The following DPP6 variants were observed in gnomAD, a reference collection of about 807,000 sequenced individuals.
DPP6 encodes dipeptidyl peptidase like 6.
DPP6 carries 69 observed loss-of-function variants against 122.6 expected under a neutral mutation model. The ratio of observed to expected loss-of-function variants is 0.56; its 90% CI spans 0.46 to 0.69. DPP6 has a LOEUF of 0.69. Among genes scored for constraint, DPP6 ranks in the 30% least tolerant of loss-of-function variants. DPP6 has a pLI of 0.00. For missense variants in DPP6, 928 were observed against 1,116.9 expected, an observed-to-expected ratio of 0.83 and a Z score of 2.41; for synonymous variants, 418 against 433.1, an observed-to-expected ratio of 0.97 and a Z score of 0.43.
chr7:154,495,025 A>G (rs1824607508), intron 3 of DPP6, among the ~76,000 whole-genome samples: 1 of 152,240 alleles, frequency 6.6e-6, no homozygotes, highest in Admixed American at 6.5e-5. Flanking sequence ...GAACCAAAGT[A>G]ACATTTGCAC....
intron 1 of DPP6, among the ~76,000 whole-genome samples, chr7:154,267,268 CA>C (rs1174535372): frequency 6.7e-6 from 1 of 149,464 alleles, no homozygotes; most frequent in African/African-American, 2.4e-5. Flanking sequence ...AAATATTCAA[CA>C]TTTTTTCATT....
At position 154,618,907 on chromosome 7, in the gene DPP6, A is replaced by G. The variant is rs1054960799; in HGVS notation, c.628-18914A>G. Among the ~76,000 whole-genome samples, 1 of 152,184 alleles carries G rather than the reference A, an allele frequency of 6.6e-6. No individual in the cohort carries two copies. Among genetic ancestry groups the G allele is most frequent in the Non-Finnish European group, 1.5e-5 (1 of 68,038 alleles). On this transcript the variant is annotated intron_variant, in intron 5 of 25. Coordinates refer to ENST00000377770, the MANE Select transcript of DPP6 (RefSeq NM_130797.4). The surrounding 1 kb of genome is among the most constrained non-coding windows in gnomAD (Gnocchi z 4.1). ...CTCATCTTGAATTGTAGCTCCCATT[A>G]TCCCTACATGTTGTAGGAGGGACCT...
chr7:154,807,097 C>T lies in DPP6; in HGVS notation c.1651C>T (p.Leu551=), dbSNP rs1314410793. The change falls in exon 16 of 26, where the codon CTG becomes TTG. Residue 551 remains leucine, a synonymous_variant. Transcript: ENST00000377770. Reference sequence around the variant, plus strand: ...CTTCAGCCATAGCATGGACTTCTTCCTGCTCAAGTGCGAAGGTCAGCTCCT... The same window carrying T: ...CTTCAGCCATAGCATGGACTTCTTCTTGCTCAAGTGCGAAGGTCAGCTCCT... ...ASFSHSMDFF[L]LKCEGPGVPM... The T allele has an allele frequency of 1.9e-6, 3 of 1,613,440 alleles. No homozygotes were observed. The East Asian group carries it at 6.7e-5, about 36-fold the overall frequency.
At chr7:154,369,043 G>A (rs575974809) in intron 1 of DPP6, among the ~76,000 whole-genome samples, 2 of 152,098 alleles carry the variant, frequency 1.3e-5, no homozygotes, top group African/African-American at 2.4e-5. Flanking sequence ...AATCCCATAG[G>A]CATTTAGGCC....
upstream of DPP6, among the ~76,000 whole-genome samples, chr7:154,051,874 C>G (rs1317107518): frequency 2.0e-5 from 3 of 151,106 alleles, no homozygotes; most frequent in Non-Finnish European, 4.4e-5. Flanking sequence ...TCACCAGCGT[C>G]GTCCGACCAC....
At chr7:154,078,816 A>C (rs1167560664) in intron 1 of DPP6, among the ~76,000 whole-genome samples, 1 of 152,102 alleles carries the variant, frequency 6.6e-6, no homozygotes, top group Non-Finnish European at 1.5e-5. Context: ...TGGAGAAACA[A>C]ATTCATCCAA....
At chr7:154,181,454 A>G (rs1023795164) in intron 1 of DPP6, among the ~76,000 whole-genome samples, 18 of 152,124 alleles carry the variant, frequency 1.2e-4, no homozygotes, top group Non-Finnish European at 2.4e-4. Flanking sequence ...ACCCTCTCCA[A>G]TGTGAATGCC....
At chr7:153,760,272 T>A in the DPP6 span, among the ~76,000 whole-genome samples, 1 of 152,340 alleles carries the variant, frequency 6.6e-6, no homozygotes, top group East Asian at 1.9e-4. Context: ...TTTTTAATGT[T>A]GTCCATGTCT....
chr7:154,352,472 A>T (rs911165413), intron 1 of DPP6, among the ~76,000 whole-genome samples: 1 of 152,146 alleles, frequency 6.6e-6, no homozygotes, highest in Non-Finnish European at 1.5e-5. Flanking sequence ...CAAAAAAAAT[A>T]AAAATTAAAA....
At chr7:154,180,387 A>C (rs987191450) in intron 1 of DPP6, among the ~76,000 whole-genome samples, 4 of 145,948 alleles carry the variant, frequency 2.7e-5, no homozygotes, top group Non-Finnish European at 6.0e-5. Context: ...ATATATATAA[A>C]TATATATATA....
intron 6 of DPP6, among the ~76,000 whole-genome samples, chr7:154,648,735 T>C (rs1314331654): frequency 2.0e-5 from 3 of 152,010 alleles, no homozygotes; most frequent in Non-Finnish European, 2.9e-5. Flanking sequence ...CTGGCCAACA[T>C]GGTGAAACCC....
At chr7:154,514,318 A>G (rs995784652) in intron 3 of DPP6, among the ~76,000 whole-genome samples, 3 of 152,118 alleles carry the variant, frequency 2.0e-5, no homozygotes, top group Non-Finnish European at 4.4e-5. Flanking sequence ...GCTAGACGCT[A>G]ATTCAGACCC....
chr7:154,381,075 G>T (rs568023527), intron 1 of DPP6, among the ~76,000 whole-genome samples: 14 of 152,216 alleles, frequency 9.2e-5, no homozygotes, highest in African/African-American at 3.1e-4. Flanking sequence ...GCCATGAGGG[G>T]GATCCTGGTG....
At chr7:154,347,689 A>G (rs1810513108) in intron 1 of DPP6, among the ~76,000 whole-genome samples, 1 of 152,234 alleles carries the variant, frequency 6.6e-6, no homozygotes, top group Admixed American at 6.5e-5. Flanking sequence ...TGAGGGCAGC[A>G]TTAGAAGAAT....
At chr7:154,269,511 G>A (rs570185355) in intron 1 of DPP6, among the ~76,000 whole-genome samples, 1 of 152,230 alleles carries the variant, frequency 6.6e-6, no homozygotes, top group South Asian at 2.1e-4. Context: ...AGTAGGTTTA[G>A]CCACACAGAG....
intron 16 of DPP6, among the ~76,000 whole-genome samples, chr7:154,836,831 C>G (rs1584848880): frequency 6.6e-6 from 1 of 152,286 alleles, no homozygotes; most frequent in African/African-American, 2.4e-5. Flanking sequence ...CTCAGCCTCC[C>G]AAGTAGCTGG....
intron 1 of DPP6, among the ~76,000 whole-genome samples, chr7:153,935,250 G>T (rs2215192): frequency 0.57 from 85,772 of 151,544 alleles, 24,715 homozygotes; most frequent in African/African-American, 0.67. Flanking sequence ...CCAGAGAAGG[G>T]GGGGGACGTG....
chr7:154,828,959 G>A (rs542660987), intron 16 of DPP6, among the ~76,000 whole-genome samples: 39 of 152,226 alleles, frequency 2.6e-4, no homozygotes, highest in Middle Eastern at 3.4e-3. Context: ...TCTCGGTCTC[G>A]TACCTTTGTA....
chr7:154,711,486 A>G (rs573505580), intron 7 of DPP6, among the ~76,000 whole-genome samples: 3 of 152,378 alleles, frequency 2.0e-5, no homozygotes, highest in Non-Finnish European at 2.9e-5. Flanking sequence ...GAATGTAACT[A>G]TTGAATTTGA....
Sources: allele counts gnomAD v4.1 joint callset (sites outside exome capture counted in the v4.1 genomes callset), GRCh38; gene constraint gnomAD v4.1.1; non-coding constraint Gnocchi (gnomAD v3.1); transcripts MANE v1.5; gene names NCBI Gene and HGNC (gene_info 2026-07-23, HGNC 2026-07-21).